TAFA1: variants seen among roughly 807,000 people sequenced by gnomAD.
The protein encoded by TAFA1 is chemokine-like protein TAFA-1.
Under a neutral mutation model 18.5 loss-of-function variants are expected in TAFA1, and 4 were observed. The observed-to-expected ratio is 0.22, with a 90% CI of 0.11 to 0.49. The LOEUF (loss-of-function observed/expected upper bound fraction) is 0.49, where lower values mean the gene tolerates loss of function less well. Ranked by LOEUF, TAFA1 falls within the 20% of genes least tolerant of loss-of-function variation. The probability of loss-of-function intolerance (pLI) is 0.98; values close to 1 mark genes in which losing one functional copy is unlikely to be tolerated. For synonymous variants in TAFA1, 56 were observed against 55.2 expected (o/e 1.01, Z -0.06); for missense variants, 147 against 169.0 (o/e 0.87, Z 0.72).
At chr3:68,512,785 A>C (rs578162944) in intron 3 of TAFA1, among the ~76,000 whole-genome samples, 1 of 152,112 alleles carries the variant, frequency 6.6e-6, no homozygotes, top group South Asian at 2.1e-4. Context: ...TAACAAAAAA[A>C]AACCTGTTTC....
chr3:68,420,827 C>G lies in TAFA1; in HGVS notation c.259+3407C>G, dbSNP rs116785903. Among the ~76,000 whole-genome samples the G allele has an allele frequency of 8.2e-3, 1,241 of 152,256 alleles. 13 individuals are homozygous for G. Among genetic ancestry groups the G allele is most frequent in the African/African-American group, 0.028 (1,176 of 41,546 alleles). On this transcript the variant is annotated intron_variant, in intron 3 of 4. Transcript: ENST00000478136. ...CTAGCACTATGATTATTTACTTACT[C>G]TACACTACAGTCAACACAGTGAGCA...
At chr3:68,048,796 C>CT (rs1208730410) in intron 2 of TAFA1, among the ~76,000 whole-genome samples, 1 of 152,098 alleles carries the variant, frequency 6.6e-6, no homozygotes, top group African/African-American at 2.4e-5. Context: ...AAATCTCATT[C>CT]TTTTTAATGG....
intron 3 of TAFA1, among the ~76,000 whole-genome samples, chr3:68,525,894 G>C (rs1174340668): frequency 2.0e-5 from 3 of 151,752 alleles, no homozygotes; most frequent in Non-Finnish European, 4.4e-5. Flanking sequence ...TCAAGTGTCT[G>C]TGAGCCAGGC....
intron 2 of TAFA1, among the ~76,000 whole-genome samples, chr3:68,395,829 T>C (rs988462243): frequency 5.9e-5 from 9 of 151,964 alleles, no homozygotes; most frequent in Admixed American, 5.9e-4. Flanking sequence ...AAGGGAGGGA[T>C]ACTATTAGGA....
At chr3:68,082,319 G>A (rs896329269) in intron 2 of TAFA1, among the ~76,000 whole-genome samples, 6 of 152,098 alleles carry the variant, frequency 3.9e-5, no homozygotes, top group African/African-American at 1.2e-4. Context: ...GTTCCTATTC[G>A]GCCATCTTGG....
chr3:68,365,488 A>G (rs922122526), intron 2 of TAFA1, among the ~76,000 whole-genome samples: 1 of 152,192 alleles, frequency 6.6e-6, no homozygotes, highest in Admixed American at 6.5e-5. Flanking sequence ...TACAATGTAT[A>G]AGATATTTTG....
intron 2 of TAFA1, among the ~76,000 whole-genome samples, chr3:68,214,852 AT>A (rs767220598): frequency 1.2e-4 from 18 of 151,800 alleles, no homozygotes; most frequent in East Asian, 3.9e-4. Context: ...ATACACATCA[AT>A]TTTTTTTAAG....
intron 2 of TAFA1, among the ~76,000 whole-genome samples, chr3:68,224,857 C>T (rs1435162786): frequency 6.8e-6 from 1 of 148,058 alleles, no homozygotes; most frequent in African/African-American, 2.5e-5. Flanking sequence ...GATTGCCTCC[C>T]TTGCTGTTTG....
chr3:68,141,837 G>T (rs1487222549), intron 2 of TAFA1, among the ~76,000 whole-genome samples: 1 of 152,138 alleles, frequency 6.6e-6, no homozygotes, highest in East Asian at 1.9e-4. Flanking sequence ...CTCTGATAAG[G>T]GTTGACAGGT....
chr3:68,231,393 G>A (rs1299045022), intron 2 of TAFA1, among the ~76,000 whole-genome samples: 6 of 114,546 alleles, frequency 5.2e-5, no homozygotes, highest in African/African-American at 6.9e-5. Context: ...TCGCTCTGTC[G>A]CCCAGGCCGG....
intron 2 of TAFA1, among the ~76,000 whole-genome samples, chr3:68,276,696 A>C (rs1237607265): frequency 1.3e-5 from 2 of 152,190 alleles, no homozygotes; most frequent in Admixed American, 6.6e-5. Flanking sequence ...ATAAATATGT[A>C]ATATAATTGT....
At chr3:68,128,256 T>G (rs2065494358) in intron 2 of TAFA1, among the ~76,000 whole-genome samples, 1 of 152,168 alleles carries the variant, frequency 6.6e-6, no homozygotes, top group Admixed American at 6.5e-5. Context: ...CATCCCATTT[T>G]AAACTCATCA....
chr3:68,465,439 C>T (rs1018282469), intron 3 of TAFA1, among the ~76,000 whole-genome samples: 3 of 152,110 alleles, frequency 2.0e-5, no homozygotes, highest in Non-Finnish European at 2.9e-5. Flanking sequence ...TTACTTGCAG[C>T]CAAATGCATT....
intron 2 of TAFA1, among the ~76,000 whole-genome samples, chr3:68,293,581 G>A (rs148322182): frequency 2.6e-5 from 4 of 152,282 alleles, no homozygotes; most frequent in East Asian, 1.9e-4. Context: ...ATTAATAGTA[G>A]CATCTGCATC....
chr3:68,340,563 C>G (rs746090063), intron 2 of TAFA1, among the ~76,000 whole-genome samples: 6 of 152,138 alleles, frequency 3.9e-5, no homozygotes, highest in African/African-American at 7.2e-5. Context: ...CTGACCTCTC[C>G]CCCTGGAGTT....
the TAFA1 span, among the ~76,000 whole-genome samples, chr3:67,997,267 A>G: frequency 0.8 from 122,081 of 152,122 alleles, 49,378 homozygotes; most frequent in South Asian, 0.89. Flanking sequence ...ACTTTATAGA[A>G]ATTTATGGTA....
At chr3:67,998,173 T>G in the TAFA1 span, among the ~76,000 whole-genome samples, 1 of 152,200 alleles carries the variant, frequency 6.6e-6, no homozygotes, top group Non-Finnish European at 1.5e-5. Flanking sequence ...CTGGTAACAT[T>G]TGTGTGATAG....
intron 2 of TAFA1, among the ~76,000 whole-genome samples, chr3:68,065,389 T>C (rs779694055): frequency 6.6e-6 from 1 of 152,258 alleles, no homozygotes; most frequent in East Asian, 1.9e-4. Context: ...AAAGAGAGCA[T>C]CTTGCTGTGA....
chr3:68,123,836 A>ACC (rs1270818539), intron 2 of TAFA1, among the ~76,000 whole-genome samples: 3 of 141,836 alleles, frequency 2.1e-5, no homozygotes, highest in African/African-American at 8.1e-5. Context: ...GAGGATATCT[A>ACC]CCCTGAGTTT....
Sources: allele counts gnomAD v4.1 joint callset (sites outside exome capture counted in the v4.1 genomes callset), GRCh38; gene constraint gnomAD v4.1.1; transcripts MANE v1.5; gene names NCBI Gene and HGNC (gene_info 2026-07-23, HGNC 2026-07-21).